Variants in OSMR observed in about 807,000 individuals in gnomAD.
OSMR encodes the protein oncostatin M receptor, also known as oncostatin-M-specific receptor subunit beta.
Under a neutral mutation model 99.9 loss-of-function variants are expected in OSMR, and 81 were observed. The observed-to-expected ratio is 0.81, with a 90% CI of 0.68 to 0.97. The LOEUF is 0.97. Among genes scored for constraint, OSMR ranks in the 50% least tolerant of loss-of-function variants. The pLI is 0.00. For synonymous variants in OSMR, 406 were observed against 410.4 expected (o/e 0.99, Z 0.13); for missense variants, 1,099 against 1,153.4 (o/e 0.95, Z 0.68).
At chr5:38,924,653 AT>A in intron 14 of OSMR, 58 bp downstream of exon 14, 1 of 1,338,872 alleles carries the variant, frequency 7.5e-7, no homozygotes, top group Non-Finnish European at 1.1e-6. Context: ...ATTTGAAATC[AT>A]TTAAAATAAT....
At chr5:38,849,544 T>C (rs1159774317) in intron 1 of OSMR, among the ~76,000 whole-genome samples, 1 of 152,192 alleles carries the variant, frequency 6.6e-6, no homozygotes, top group African/African-American at 2.4e-5. Context: ...TCTTGTGGTA[T>C]ATATTTGTGC....
chr5:38,885,559 A>G lies in OSMR; in HGVS notation c.839+75A>G. 5.1e-6 allele frequency: 8 copies of G among 1,565,988 alleles called. 1 individual carries two copies. The highest frequency in any genetic ancestry group is 5.0e-5 in the Admixed American group (3 of 59,940). ...GCTTGTGACAACATGGCAAAAATCT[A>G]CACTTAGATGTTGCAGGAAATTTGA... On this transcript the variant is annotated intron_variant, in intron 6 of 17. Transcript: ENST00000274276.
intron 15 of OSMR, among the ~76,000 whole-genome samples, chr5:38,930,727 T>C (rs563983489): frequency 6.6e-6 from 1 of 152,110 alleles, no homozygotes; most frequent in African/African-American, 2.4e-5. Flanking sequence ...GTAATGGAAA[T>C]ACTTATGCCA....
At chr5:38,886,621 T>C (rs535409007) in intron 7 of OSMR, 1 of 157,466 alleles carries the variant, frequency 6.4e-6, no homozygotes, top group Admixed American at 6.3e-5. Context: ...TCAGTAATTA[T>C]GTTTATATAA....
At chr5:38,903,187 A>G (rs1039366282) in intron 7 of OSMR, among the ~76,000 whole-genome samples, 2 of 152,358 alleles carry the variant, frequency 1.3e-5, no homozygotes, top group South Asian at 4.1e-4. Flanking sequence ...ATACACTCAT[A>G]CACAACAAGT....
intron 4 of OSMR, among the ~76,000 whole-genome samples, chr5:38,882,455 G>T (rs1475772165): frequency 1.3e-5 from 2 of 152,124 alleles, no homozygotes; most frequent in Admixed American, 6.5e-5. Context: ...GGCACCTGTA[G>T]TCCCAGCTAT....
intron 7 of OSMR, among the ~76,000 whole-genome samples, chr5:38,896,585 T>G (rs557369758): frequency 2.9e-4 from 44 of 152,234 alleles, no homozygotes; most frequent in Middle Eastern, 6.8e-3. Context: ...GATAATATCA[T>G]CTGCAGACAA....
At chr5:38,898,345 G>C (rs1897140) in intron 7 of OSMR, among the ~76,000 whole-genome samples, 1 of 151,908 alleles carries the variant, frequency 6.6e-6, no homozygotes, top group Non-Finnish European at 1.5e-5. Flanking sequence ...TTATAATTAC[G>C]TAATGACCTA....
rs763517071 is a variant in OSMR at position 38,921,573 on chromosome 5, G to A, written c.1586-42G>A. On this transcript the variant is annotated intron_variant, in intron 11 of 17. Transcript: ENST00000274276. ...CCTTACACACTTAAAACAATTTACA[G>A]TTAATTAAATCTGGAGCATTGCTCT... 13 of 1,613,286 alleles carry A rather than the reference G, an allele frequency of 8.1e-6. No individual in the cohort carries two copies. The East Asian group carries it at 2.2e-4, about 28-fold the overall frequency.
chr5:38,933,664 C>A lies in OSMR; in HGVS notation c.*220C>A. The A allele has an allele frequency of 1.7e-6, 1 of 575,604 alleles. No individual in the cohort carries two copies. 35.7% of individuals were successfully genotyped at this position (575,604 alleles called of 1,614,324 possible). On this transcript the variant is annotated 3_prime_UTR_variant, in exon 18 of 18. Coordinates refer to ENST00000274276, the MANE Select transcript of OSMR (RefSeq NM_003999.3). ...CCTAGAGACGGCAGGATCATGGGAGCATGCTTACCTTCTGCTGTTTGTTCC... is the reference window on the plus strand; with the variant it reads ...CCTAGAGACGGCAGGATCATGGGAGAATGCTTACCTTCTGCTGTTTGTTCC...
At chr5:38,926,074 A>G (rs1228439644) in intron 15 of OSMR, among the ~76,000 whole-genome samples, 1 of 152,262 alleles carries the variant, frequency 6.6e-6, no homozygotes, top group Admixed American at 6.5e-5. Context: ...CTGACAACCA[A>G]TAAACAGGAA....
intron 1 of OSMR, among the ~76,000 whole-genome samples, chr5:38,848,383 T>TTA (rs1400690055): frequency 1.3e-5 from 2 of 152,208 alleles, no homozygotes; most frequent in Non-Finnish European, 2.9e-5. Context: ...CCAACAGCTG[T>TTA]GTTGGTGGCT....
In OSMR at chr5:38,883,908, G is replaced by T. The variant is rs767298581; in HGVS notation, c.500G>T (p.Cys167Phe). The change falls in exon 5 of 18, where the codon TGT becomes TTT. Residue 167 changes from cysteine to phenylalanine, a missense_variant. Cys to Phe is a radical substitution (Grantham distance 205). Transcript: ENST00000274276. ...LVEEGTNVTI[C>F]YVSRNIQNNV... ...GAAGAAGGCACCAATGTTACCATTT[G>T]TTACGTTTCTAGGAACATTCAAAAT... 1.1e-5 allele frequency: 17 copies of T among 1,613,668 alleles called. No homozygotes were observed. In the Admixed American group the frequency reaches 2.8e-4, roughly 27 times the overall value.
chr5:38,925,593 T>A (rs1051678515), intron 15 of OSMR, among the ~76,000 whole-genome samples: 3 of 152,180 alleles, frequency 2.0e-5, no homozygotes, highest in Admixed American at 1.3e-4. Flanking sequence ...ATCTGTCTGA[T>A]TAAGGCCTAA....
Position 38,918,823 on chromosome 5 carries a change from A to G in OSMR, c.1363-17A>G. ...AATTAAAACCCATTTAAAAATGTTTATCAATATTTTTTTCAGCCATTATCA... is the reference window on the plus strand; with the variant it reads ...AATTAAAACCCATTTAAAAATGTTTGTCAATATTTTTTTCAGCCATTATCA... On this transcript the variant is annotated splice_polypyrimidine_tract_variant and intron_variant, in intron 10 of 17. Coordinates refer to ENST00000274276, the MANE Select transcript of OSMR (RefSeq NM_003999.3). 1.2e-6 allele frequency: 2 copies of G among 1,613,398 alleles called. No individual in the cohort carries two copies. The highest frequency in any genetic ancestry group is 2.2e-5 in the South Asian group (2 of 91,036).
At chr5:38,899,902 T>G (rs1744784947) in intron 7 of OSMR, among the ~76,000 whole-genome samples, 1 of 152,126 alleles carries the variant, frequency 6.6e-6, no homozygotes, top group Non-Finnish European at 1.5e-5. Flanking sequence ...AAACACTCCC[T>G]TAGCCTTCCC....
chr5:38,943,009 C>T, intron 1 of OSMR: 2 of 1,473,780 alleles, frequency 1.4e-6, no homozygotes, highest in Non-Finnish European at 1.9e-6. Context: ...AAACTGTAAT[C>T]ATGATGTATC....
At chr5:38,886,323 T>A in intron 7 of OSMR, 133 bp downstream of exon 7, 2 of 1,529,156 alleles carry the variant, frequency 1.3e-6, no homozygotes, top group Admixed American at 2.1e-5. Context: ...TTATACCTAT[T>A]GTTCATGCCA....
intron 4 of OSMR, among the ~76,000 whole-genome samples, chr5:38,882,849 A>G (rs1188843986): frequency 6.6e-6 from 1 of 152,180 alleles, no homozygotes; most frequent in Non-Finnish European, 1.5e-5. Flanking sequence ...CTTCACAGAT[A>G]AGGAAACTGA....
Sources: allele counts gnomAD v4.1 joint callset (sites outside exome capture counted in the v4.1 genomes callset), GRCh38; gene constraint gnomAD v4.1.1; transcripts MANE v1.5; gene names NCBI Gene and HGNC (gene_info 2026-07-23, HGNC 2026-07-21).